Variants in ROCK2 observed in about 807,000 individuals in gnomAD.
ROCK2 encodes Rho associated coiled-coil containing protein kinase 2, also known as rho-associated protein kinase 2.
Under a neutral mutation model 195.1 loss-of-function variants are expected in ROCK2, and 61 were observed. The ratio of observed to expected loss-of-function variants is 0.31; its 90% CI spans 0.25 to 0.39. The LOEUF is 0.39. Among genes scored for constraint, ROCK2 ranks in the 10% least tolerant of loss-of-function variants. The pLI is 1.00. For synonymous variants in ROCK2, 504 were observed against 545.5 expected, an observed-to-expected ratio of 0.92 and a Z score of 1.06; for missense variants, 1,109 against 1,637.4, an observed-to-expected ratio of 0.68 and a Z score of 5.57.
intron 23 of ROCK2, among the ~76,000 whole-genome samples, chr2:11,199,372 T>C (rs1663767769): frequency 6.6e-6 from 1 of 151,558 alleles, no homozygotes; most frequent in Admixed American, 6.6e-5. Flanking sequence ...TGGAGTGCAA[T>C]GGCGTGCGAT....
At chr2:11,209,525 C>T (rs1664177658) in intron 18 of ROCK2, among the ~76,000 whole-genome samples, 1 of 152,198 alleles carries the variant, frequency 6.6e-6, no homozygotes, top group African/African-American at 2.4e-5. Flanking sequence ...TATCCTAACT[C>T]ATAGGATTAT....
intron 11 of ROCK2, chr2:11,217,959 T>C (rs1664490413): frequency 6.5e-6 from 1 of 153,086 alleles, no homozygotes; most frequent in South Asian, 2.1e-4. Flanking sequence ...AGGTAAATAA[T>C]CAGGCCAAGA....
chr2:11,221,156 A>G lies in ROCK2; in HGVS notation c.1259+42T>C, dbSNP rs1039049324. 7 of 1,424,758 alleles carry G rather than the reference A, an allele frequency of 4.9e-6. No homozygotes were observed. The Admixed American group carries it at 1.5e-4, about 31-fold the overall frequency. The allele number at this position is 1,424,758 out of a possible 1,614,324, so 88.3% of individuals were successfully genotyped here. A position where few individuals can be genotyped will look rare whatever the true frequency, so the allele number is the denominator to read the frequency against. Reference sequence around the variant, plus strand: ...AAATAACACATCATCTTATAGCTAGATTCTAAAAACAGTAAAATTTAACAA... The same window carrying G: ...AAATAACACATCATCTTATAGCTAGGTTCTAAAAACAGTAAAATTTAACAA... On this transcript the variant is annotated intron_variant, in intron 9 of 32. Transcript: ENST00000315872.
rs1319487607 is a variant in ROCK2 at position 11,192,158 on chromosome 2, T to C, written c.4153A>G (p.Asn1385Asp). ...ATTTTAGTTTATTACCTAGGTTTGT[T>C]TGGGGCAAGCTGTCGACTTGGCCGT... ...IRRPSRQLAPNKPS is the reference protein window; with the variant it reads ...IRRPSRQLAPDKPS Residue 1385 changes from asparagine (N) to aspartate (D), a missense_variant, in exon 32 of 33, where the codon AAC (asparagine) becomes GAC (aspartate). Asn to Asp is a conservative substitution (Grantham distance 23). Transcript: ENST00000315872. The surrounding 1 kb of genome is among the most constrained non-coding windows in gnomAD (Gnocchi z 5.0). 13 of 1,601,116 alleles carry C rather than the reference T, an allele frequency of 8.1e-6. No individual in the cohort carries two copies. The Middle Eastern group carries it at 5.0e-4, about 62-fold the overall frequency.
At chr2:11,309,229 A>G (rs1439165327) in intron 1 of ROCK2, among the ~76,000 whole-genome samples, 2 of 152,094 alleles carry the variant, frequency 1.3e-5, no homozygotes, top group East Asian at 1.9e-4. Context: ...ATTAGGCATT[A>G]TAAGTAATCT....
At chr2:11,205,775 T>C (rs1345489037) in intron 20 of ROCK2, among the ~76,000 whole-genome samples, 2 of 152,124 alleles carry the variant, frequency 1.3e-5, no homozygotes, top group African/African-American at 2.4e-5. Flanking sequence ...TAATCATTCA[T>C]ACAACATTTA....
chr2:11,289,280 C>T (rs34586031), intron 1 of ROCK2, among the ~76,000 whole-genome samples: 60,183 of 151,990 alleles, frequency 0.4, 13,514 homozygotes, highest in Admixed American at 0.52. Flanking sequence ...CACACACACA[C>T]TCCTCCAAAA....
At chr2:11,248,127 G>C (rs570798441) in intron 4 of ROCK2, among the ~76,000 whole-genome samples, 146 of 151,986 alleles carry the variant, frequency 9.6e-4, no homozygotes, top group Middle Eastern at 3.4e-3. Flanking sequence ...AATAAAAAGT[G>C]GGGGAGGGAG....
At chr2:11,259,615 T>C (rs1365072934) in intron 3 of ROCK2, among the ~76,000 whole-genome samples, 1 of 150,294 alleles carries the variant, frequency 6.7e-6, no homozygotes, top group Non-Finnish European at 1.5e-5. Flanking sequence ...TAAGTTTATG[T>C]AGCTAACGGT....
At position 11,286,560 on chromosome 2, in the gene ROCK2, A is replaced by C. The variant is rs1009262120; in HGVS notation, c.303T>G (p.Gly101=). The change falls in exon 3 of 33, where the codon GGT becomes GGG. Residue 101 remains glycine (G), a synonymous_variant. Transcript: ENST00000315872. The part of the protein sequence containing the change: ...DYDVVKVIGR[G]AFGEVQLVRH... Reference sequence around the variant, plus strand: ...TTACCAACTGCACTTCACCAAAAGCACCTCTTCCAATAACTTTTACAACAT... The same window carrying C: ...TTACCAACTGCACTTCACCAAAAGCCCCTCTTCCAATAACTTTTACAACAT... 1 of 1,609,288 alleles carries C rather than the reference A, an allele frequency of 6.2e-7. No individual in the cohort carries two copies. Among genetic ancestry groups the C allele is most frequent in the Non-Finnish European group, 8.5e-7 (1 of 1,176,052 alleles).
chr2:11,198,851 C>A, intron 23 of ROCK2, 77 bp from the exon 24 acceptor site: 5 of 814,274 alleles, frequency 6.1e-6, no homozygotes, highest in Non-Finnish European at 9.9e-6. Flanking sequence ...AAATGAGAAA[C>A]ATCCTAGAAT....
chr2:11,309,966 C>CA (rs199804331), intron 1 of ROCK2, among the ~76,000 whole-genome samples: 233 of 141,982 alleles, frequency 1.6e-3, no homozygotes, highest in African/African-American at 3.5e-3. Context: ...GCCCTGTCTC[C>CA]AAAAAAAACA....
At chr2:11,318,637 T>A (rs954913971) in intron 1 of ROCK2, among the ~76,000 whole-genome samples, 1 of 152,230 alleles carries the variant, frequency 6.6e-6, no homozygotes, top group Non-Finnish European at 1.5e-5. Context: ...TGGCTTTTGT[T>A]GCCATTCCTT....
chr2:11,325,615 G>A (rs1668524307), intron 1 of ROCK2, among the ~76,000 whole-genome samples: 2 of 152,196 alleles, frequency 1.3e-5, no homozygotes, highest in South Asian at 4.1e-4. Flanking sequence ...GAAGTCAGCA[G>A]AAGTTAGATC....
At position 11,198,766 on chromosome 2, in the gene ROCK2, T is replaced by G. The variant is rs1195128763; in HGVS notation, c.2919A>C (p.Glu973Asp). ...EKDATIASLE[E>D]TNRTLTSDVA... ...CATCACTAGTTAGTGTCCTATTAGT[T>G]TCCTCAAGCTAAGAAATGAAAGAGG... Residue 973 changes from glutamate (E) to aspartate (D), a missense_variant, in exon 24 of 33, where the codon GAA becomes GAC. By Grantham distance (45) the Glu-to-Asp change is conservative (BLOSUM62 2). Coordinates refer to ENST00000315872, the MANE Select transcript of ROCK2 (RefSeq NM_004850.5). The G allele has an allele frequency of 1.9e-6, 3 of 1,583,078 alleles. No homozygotes were observed. In the African/African-American group the frequency reaches 4.1e-5, roughly 22 times the overall value.
chr2:11,281,119 A>C (rs1666986418), intron 3 of ROCK2, among the ~76,000 whole-genome samples: 1 of 151,904 alleles, frequency 6.6e-6, no homozygotes, highest in South Asian at 2.1e-4. Context: ...ATTGTAATCC[A>C]TCACACCAAC....
chr2:11,342,785 T>C (rs1012839974), intron 1 of ROCK2, among the ~76,000 whole-genome samples: 25 of 152,164 alleles, frequency 1.6e-4, no homozygotes, highest in African/African-American at 6.0e-4. Flanking sequence ...TGTGACACAA[T>C]ATAGCACATC....
intron 1 of ROCK2, among the ~76,000 whole-genome samples, chr2:11,291,743 T>C (rs1667369710): frequency 6.6e-6 from 1 of 152,226 alleles, no homozygotes; most frequent in Admixed American, 6.5e-5. Flanking sequence ...TATACATTTA[T>C]GAGTTGTCAG....
intron 15 of ROCK2, 45 bp from the exon 16 acceptor site, chr2:11,215,131 G>T: frequency 6.3e-7 from 1 of 1,598,720 alleles, no homozygotes; most frequent in Non-Finnish European, 8.5e-7. Context: ...AAACACACAT[G>T]TATGTAATGA....
Sources: allele counts gnomAD v4.1 joint callset (sites outside exome capture counted in the v4.1 genomes callset), GRCh38; gene constraint gnomAD v4.1.1; non-coding constraint Gnocchi (gnomAD v3.1); transcripts MANE v1.5; gene names NCBI Gene and HGNC (gene_info 2026-07-23, HGNC 2026-07-21).